RBFOX1: variants seen among roughly 807,000 people sequenced by gnomAD.
RBFOX1 encodes RNA binding fox-1 homolog 1, also known as RNA binding protein fox-1 homolog 1.
In RBFOX1, 8 loss-of-function variants were observed where a neutral mutation model predicts 57.7. The observed-to-expected ratio is 0.14, with a 90% CI of 0.08 to 0.25. RBFOX1 has a LOEUF of 0.25. RBFOX1 is among the 10% of genes least tolerant of loss of function. The probability of loss-of-function intolerance (pLI) is 1.00; values close to 1 mark genes in which losing one functional copy is unlikely to be tolerated. For synonymous variants in RBFOX1, 326 were observed against 222.4 expected (o/e 1.47, Z -4.15); for missense variants, 611 against 548.5 (o/e 1.11, Z -1.14).
At chr16:6,082,872 TAGGAAGTGCTTATCACGG>T (rs2096025679) in intron 1 of RBFOX1, among the ~76,000 whole-genome samples, 1 of 152,136 alleles carries the variant, frequency 6.6e-6, no homozygotes, top group Non-Finnish European at 1.5e-5. Flanking sequence ...ACGGGTGTCA[TAGGAAGTGCTTATCACGG>T]AGCCTAGCCC....
intron 4 of RBFOX1, among the ~76,000 whole-genome samples, chr16:5,964,263 T>G (rs2059803717): frequency 6.6e-6 from 1 of 152,148 alleles, no homozygotes; most frequent in East Asian, 1.9e-4. Context: ...GGTGACGTTG[T>G]GGAGAAAAGA....
chr16:5,672,932 A>G (rs1477740169), intron 3 of RBFOX1, among the ~76,000 whole-genome samples: 4 of 151,794 alleles, frequency 2.6e-5, no homozygotes, highest in African/African-American at 9.7e-5. Context: ...TTCATTCTCC[A>G]TCCTGAACTT....
chr16:5,638,757 C>G (rs2048768055), intron 3 of RBFOX1, among the ~76,000 whole-genome samples: 2 of 152,280 alleles, frequency 1.3e-5, no homozygotes, highest in Admixed American at 6.5e-5. Context: ...TGAGTAGGAT[C>G]CTGTACTGGT....
At chr16:7,062,212 A>G (rs1369934702) in intron 4 of RBFOX1, among the ~76,000 whole-genome samples, 1 of 150,014 alleles carries the variant, frequency 6.7e-6, no homozygotes, top group Non-Finnish European at 1.5e-5. Flanking sequence ...CCAGCTACTC[A>G]GGAGGCTGAG....
At chr16:6,684,658 G>A (rs553435646) in intron 3 of RBFOX1, among the ~76,000 whole-genome samples, 1 of 152,276 alleles carries the variant, frequency 6.6e-6, no homozygotes, top group Non-Finnish European at 1.5e-5. Context: ...CTTTATCAGT[G>A]TCTTAGAAGT....
chr16:7,688,252 TGTGTGTGTGA>T (rs1174325636), intron 14 of RBFOX1, among the ~76,000 whole-genome samples: 3 of 109,908 alleles, frequency 2.7e-5, no homozygotes, highest in African/African-American at 1.0e-4. Context: ...TGTGTGTGTG[TGTGTGTGTGA>T]GAGAGAGAGA....
chr16:7,256,955 C>A (rs534781202), intron 4 of RBFOX1, among the ~76,000 whole-genome samples: 1 of 152,100 alleles, frequency 6.6e-6, no homozygotes, highest in South Asian at 2.1e-4. Context: ...TCTGTTTCTC[C>A]TGTGGCATGT....
At chr16:6,632,025 T>C (rs1408903231) in intron 2 of RBFOX1, among the ~76,000 whole-genome samples, 1 of 152,030 alleles carries the variant, frequency 6.6e-6, no homozygotes, top group Non-Finnish European at 1.5e-5. Context: ...TCACACTCTA[T>C]TTGGATAATG....
At chr16:7,567,795 A>C (rs1602035947) in intron 5 of RBFOX1, among the ~76,000 whole-genome samples, 1 of 147,760 alleles carries the variant, frequency 6.8e-6, no homozygotes, top group African/African-American at 2.5e-5. Flanking sequence ...CCATATGTAT[A>C]CCTATATATA....
At chr16:7,634,113 G>A (rs1026495222) in intron 11 of RBFOX1, among the ~76,000 whole-genome samples, 3 of 152,204 alleles carry the variant, frequency 2.0e-5, no homozygotes, top group Admixed American at 1.3e-4. Context: ...TCTGATGGGT[G>A]CAGACTTTTT....
At chr16:6,591,161 C>A (rs2097704745) in intron 2 of RBFOX1, among the ~76,000 whole-genome samples, 2 of 152,130 alleles carry the variant, frequency 1.3e-5, no homozygotes, top group South Asian at 4.1e-4. Flanking sequence ...AATTGAAAAA[C>A]CTGGCCAGGC....
At chr16:7,032,785 G>C (rs1394867338) in intron 3 of RBFOX1, among the ~76,000 whole-genome samples, 1 of 152,018 alleles carries the variant, frequency 6.6e-6, no homozygotes, top group African/African-American at 2.4e-5. Context: ...AGACACCCCC[G>C]CCTTGGGTCT....
chr16:7,692,718 G>C (rs1049453618), intron 14 of RBFOX1, among the ~76,000 whole-genome samples: 1 of 152,002 alleles, frequency 6.6e-6, no homozygotes, highest in Non-Finnish European at 1.5e-5. Flanking sequence ...AAGTAAAATA[G>C]CATTTTCTAT....
At chr16:5,860,396 T>C (rs912342603) in intron 3 of RBFOX1, among the ~76,000 whole-genome samples, 1 of 152,138 alleles carries the variant, frequency 6.6e-6, no homozygotes, top group Admixed American at 6.5e-5. Context: ...TTTTTGACAA[T>C]AGGACTATAA....
intron 4 of RBFOX1, among the ~76,000 whole-genome samples, chr16:5,910,138 C>G (rs1490686172): frequency 6.6e-6 from 1 of 152,060 alleles, no homozygotes; most frequent in Admixed American, 6.6e-5. Flanking sequence ...TCAGAGGCAA[C>G]TTGATCACAT....
intron 4 of RBFOX1, among the ~76,000 whole-genome samples, chr16:7,508,792 C>T (rs1455560542): frequency 6.6e-6 from 1 of 152,194 alleles, no homozygotes. Context: ...ACCTCCTCCT[C>T]TGTTATACAA....
intron 4 of RBFOX1, among the ~76,000 whole-genome samples, chr16:5,982,962 C>T (rs1378592626): frequency 6.6e-6 from 1 of 152,150 alleles, no homozygotes; most frequent in Admixed American, 6.6e-5. Flanking sequence ...CCAGATGTAC[C>T]ATTGTCCAGT....
At chr16:7,144,453 C>G (rs1252133381) in intron 4 of RBFOX1, among the ~76,000 whole-genome samples, 1 of 110,780 alleles carries the variant, frequency 9.0e-6, no homozygotes, top group Non-Finnish European at 1.8e-5. Context: ...CAGGGCCCCT[C>G]TGTTGTTCTG....
chr16:7,615,453 GAGA>G (rs1330913066), intron 10 of RBFOX1, among the ~76,000 whole-genome samples: 1 of 152,162 alleles, frequency 6.6e-6, no homozygotes, highest in African/African-American at 2.4e-5. Flanking sequence ...AAGTTTTCAG[GAGA>G]AGTATTGTTA....
Sources: gnomAD v4.1 joint callset for allele counts (sites outside exome capture counted in the v4.1 genomes callset) on GRCh38, gnomAD v4.1.1 for gene constraint, MANE v1.5 for transcripts, NCBI Gene and HGNC (gene_info 2026-07-23, HGNC 2026-07-21) for gene names.